Variants in CAT observed in about 807,000 individuals in gnomAD.
CAT encodes the protein catalase.
In CAT, 43 loss-of-function variants were observed where a neutral mutation model predicts 59.0. That is an observed-to-expected ratio of 0.73 (90% CI 0.57 to 0.94). CAT has a LOEUF of 0.94. CAT is among the 40% of genes least tolerant of loss of function. The pLI is 0.00. For synonymous variants in CAT, 218 were observed against 230.9 expected, an observed-to-expected ratio of 0.94 and a Z score of 0.51; for missense variants, 664 against 682.9, an observed-to-expected ratio of 0.97 and a Z score of 0.31.
At chr11:34,463,026 G>A (rs1564965739) in intron 9 of CAT, among the ~76,000 whole-genome samples, 1 of 152,064 alleles carries the variant, frequency 6.6e-6, no homozygotes, top group Admixed American at 6.6e-5. Flanking sequence ...ACACACACTT[G>A]GTGTCTTGAT....
intron 9 of CAT, among the ~76,000 whole-genome samples, chr11:34,462,102 AG>A (rs1356536889): frequency 6.6e-6 from 1 of 152,070 alleles, no homozygotes; most frequent in Non-Finnish European, 1.5e-5. Flanking sequence ...TTTTCTAATA[AG>A]TCAAGCAGAA....
intron 1 of CAT, among the ~76,000 whole-genome samples, chr11:34,447,106 T>C (rs918518788): frequency 2.0e-5 from 3 of 152,188 alleles, no homozygotes; most frequent in Non-Finnish European, 4.4e-5. Flanking sequence ...GAAAAGAGCA[T>C]TTAAAGAGTG....
chr11:34,442,930 C>T (rs1012216726), intron 1 of CAT, among the ~76,000 whole-genome samples: 4 of 152,152 alleles, frequency 2.6e-5, no homozygotes, highest in Non-Finnish European at 5.9e-5. Flanking sequence ...TTATCCAAAG[C>T]GTACATTTCA....
chr11:34,471,090 G>T (rs775325347), intron 12 of CAT, 49 bp downstream of exon 12: 2 of 1,483,390 alleles, frequency 1.3e-6, no homozygotes, highest in South Asian at 2.3e-5. Context: ...TGCTGGGTTG[G>T]AGTAGGCATG....
Position 34,451,080 on chromosome 11 carries a change from G to A in CAT, c.331G>A (p.Val111Ile). ...EHIGKKTPIA[V>I]RFSTVAGESG... ...TATTGGAAAGAAGACTCCCATCGCA[G>A]TTCGGTTCTCCACTGTTGGTAAGTT... Residue 111 changes from valine (V) to isoleucine (I), a missense_variant, in exon 3 of 13, where the codon GTT becomes ATT. Physicochemically the swap from Val to Ile is conservative, Grantham distance 29. Transcript: ENST00000241052. 1 of 1,609,280 alleles carries A rather than the reference G, an allele frequency of 6.2e-7. No homozygotes were observed. Among genetic ancestry groups the A allele is most frequent in the Non-Finnish European group, 8.5e-7 (1 of 1,175,556 alleles).
In CAT at chr11:34,444,383, G is replaced by T. The variant is rs546908361; in HGVS notation, c.67-4809G>T. 3.9e-5 allele frequency among the ~76,000 whole-genome samples: 6 copies of T among 152,298 alleles called. No homozygotes were observed. The East Asian group carries it at 9.6e-4, about 24-fold the overall frequency. ...GAGTTAATCAGAAGTCAGCATGGTG[G>T]ATCAGTATCTAAGACGGAATTGCTT... On this transcript the variant is annotated intron_variant, in intron 1 of 12. Transcript: ENST00000241052.
chr11:34,443,225 C>T (rs1348122492), intron 1 of CAT, among the ~76,000 whole-genome samples: 1 of 152,214 alleles, frequency 6.6e-6, no homozygotes, highest in African/African-American at 2.4e-5. Flanking sequence ...TATAGGCGAA[C>T]ACTCTGTTGC....
intron 1 of CAT, among the ~76,000 whole-genome samples, chr11:34,443,155 C>A (rs575363818): frequency 6.6e-6 from 1 of 152,240 alleles, no homozygotes. Flanking sequence ...TGATGTCTTC[C>A]ACTTCCCAAT....
intron 8 of CAT, among the ~76,000 whole-genome samples, chr11:34,460,263 A>AT (rs1379397398): frequency 6.6e-6 from 1 of 152,162 alleles, no homozygotes; most frequent in Non-Finnish European, 1.5e-5. Flanking sequence ...AAATTTCAAG[A>AT]TGCTTGCCAT....
At chr11:34,469,136 C>G (rs746012623) in intron 11 of CAT, among the ~76,000 whole-genome samples, 2 of 152,168 alleles carry the variant, frequency 1.3e-5, no homozygotes, top group Non-Finnish European at 2.9e-5. Context: ...CTGGCCTGTC[C>G]CAGAGCTAAG....
intron 10 of CAT, among the ~76,000 whole-genome samples, chr11:34,466,642 G>T (rs1213966055): frequency 6.6e-6 from 1 of 151,656 alleles, no homozygotes; most frequent in Non-Finnish European, 1.5e-5. Context: ...TTAGCCGGGC[G>T]TGGTGGCGGG....
intron 8 of CAT, among the ~76,000 whole-genome samples, chr11:34,458,505 C>T (rs961213509): frequency 6.6e-6 from 1 of 152,154 alleles, no homozygotes; most frequent in African/African-American, 2.4e-5. Context: ...GCATTGAAAC[C>T]AGGGAGTAGA....
intron 10 of CAT, among the ~76,000 whole-genome samples, chr11:34,464,468 T>G (rs1295680661): frequency 6.6e-6 from 1 of 152,172 alleles, no homozygotes; most frequent in African/African-American, 2.4e-5. Context: ...TCTTCAAACT[T>G]TATTGAAGGG....
intron 9 of CAT, among the ~76,000 whole-genome samples, chr11:34,462,403 A>G (rs1345705214): frequency 6.6e-6 from 1 of 152,110 alleles, no homozygotes; most frequent in Non-Finnish European, 1.5e-5. Flanking sequence ...GGTCATAGCT[A>G]TTACATTTTG....
At chr11:34,462,047 T>G (rs1378052521) in intron 9 of CAT, among the ~76,000 whole-genome samples, 1 of 151,182 alleles carries the variant, frequency 6.6e-6, no homozygotes, top group Non-Finnish European at 1.5e-5. Context: ...TTTTAACTAC[T>G]TTTTTTTTGG....
At position 34,470,962 on chromosome 11, in the gene CAT, A is replaced by G. The variant is rs1206053295; in HGVS notation, c.1439A>G (p.Lys480Arg). ...AQIFIQKKAVKNFTEVHPDYG... is the reference protein window; with the variant it reads ...AQIFIQKKAVRNFTEVHPDYG... ...TTTATTTTCCTTTGGCCTTAGGTCA[A>G]GAACTTCACTGAGGTCCACCCTGAC... Residue 480 changes from lysine to arginine, a missense_variant, in exon 12 of 13, where the codon AAG becomes AGG. Lys to Arg is a conservative substitution (Grantham distance 26). Transcript: ENST00000241052. 1.9e-6 allele frequency: 3 copies of G among 1,613,832 alleles called. No individual in the cohort carries two copies. The highest frequency in any genetic ancestry group is 2.2e-5 in the East Asian group (1 of 44,898).
At chr11:34,442,191 A>G (rs1170372094) in intron 1 of CAT, among the ~76,000 whole-genome samples, 1 of 152,250 alleles carries the variant, frequency 6.6e-6, no homozygotes, top group African/African-American at 2.4e-5. Flanking sequence ...CTTTTTAAAA[A>G]TTGAATTGCT....
At chr11:34,446,681 G>T (rs1323294885) in intron 1 of CAT, among the ~76,000 whole-genome samples, 1 of 152,084 alleles carries the variant, frequency 6.6e-6, no homozygotes, top group African/African-American at 2.4e-5. Context: ...CATCTGTTTA[G>T]CGTTCCTTTT....
At chr11:34,465,501 G>A (rs1011748448) in intron 10 of CAT, among the ~76,000 whole-genome samples, 3 of 152,110 alleles carry the variant, frequency 2.0e-5, no homozygotes, top group Non-Finnish European at 4.4e-5. Flanking sequence ...TTTTGCCTAT[G>A]TGAGGTCAAT....
Sources: gnomAD v4.1 joint callset for allele counts (sites outside exome capture counted in the v4.1 genomes callset) on GRCh38, gnomAD v4.1.1 for gene constraint, MANE v1.5 for transcripts, NCBI Gene and HGNC (gene_info 2026-07-23, HGNC 2026-07-21) for gene names.